Variants in ARID1B observed in about 807,000 individuals in gnomAD.
The protein encoded by ARID1B is AT-rich interactive domain-containing protein 1B.
Under a neutral mutation model 212.3 loss-of-function variants are expected in ARID1B, and 30 were observed. The observed-to-expected ratio is 0.14, with a 90% CI of 0.11 to 0.19. The LOEUF (loss-of-function observed/expected upper bound fraction) is 0.19. ARID1B is among the 10% of genes least tolerant of loss of function. ARID1B has a pLI of 1.00. For synonymous variants in ARID1B, 1,402 were observed against 1,301.7 expected, an observed-to-expected ratio of 1.08 and a Z score of -1.66; for missense variants, 2,891 against 3,204.0, an observed-to-expected ratio of 0.90 and a Z score of 2.36.
intron 9 of ARID1B, among the ~76,000 whole-genome samples, chr6:157,171,508 C>A (rs1435131047): frequency 1.3e-5 from 2 of 151,464 alleles, no homozygotes; most frequent in African/African-American, 4.8e-5. Context: ...GGTAAGAAGT[C>A]AAAAATAAGC....
At chr6:156,795,349 C>G (rs1780290844) in intron 1 of ARID1B, among the ~76,000 whole-genome samples, 1 of 151,834 alleles carries the variant, frequency 6.6e-6, no homozygotes, top group Non-Finnish European at 1.5e-5. Context: ...GAAGGGAGGC[C>G]GGAAGGTAGG....
rs1049793325 is a variant in ARID1B at position 156,935,487 on chromosome 6, G to A, written c.2158G>A (p.Gly720Arg). The stretch of plus-strand genomic sequence containing the variant: ...TTAGGACATGTCTCAGGAAGGCTAT[G>A]GAACTAGATCTCAACCTCCTCTGGC... Reference protein sequence around the residue: ...PQQDMSQEGYGTRSQPPLAPG... With the variant: ...PQQDMSQEGYRTRSQPPLAPG... Residue 720 changes from glycine (G) to arginine (R), a missense_variant, in exon 4 of 20, where the codon GGA becomes AGA. Physicochemically the swap from Gly to Arg is moderately radical, Grantham distance 125. Coordinates refer to ENST00000636930, the MANE Select transcript of ARID1B (RefSeq NM_001374828.1). 1.2e-6 allele frequency: 2 copies of A among 1,613,224 alleles called. No homozygotes were observed. The highest frequency in any genetic ancestry group is 2.7e-5 in the African/African-American group (2 of 74,858).
rs1176770045 is a variant in ARID1B at position 156,945,101 on chromosome 6, A to AT, written c.2247+9540dup. On this transcript the variant is annotated intron_variant, in intron 4 of 19. Transcript: ENST00000636930. ...CCAAGTCGGGCTAATTTTTTTGTAT[A>AT]TTTTTTTTTTTTTTTAGTAGAGACG... 4.0e-3 allele frequency among the ~76,000 whole-genome samples: 430 copies of AT among 107,162 alleles called. 5 individuals carry two copies. The highest frequency in any genetic ancestry group is 9.1e-3 in the East Asian group (25 of 2,756). The allele number at this position is 107,162 out of a possible 152,430, so 70.3% of individuals were successfully genotyped here. A position where few individuals can be genotyped will look rare whatever the true frequency, so the allele number is the denominator to read the frequency against.
chr6:156,836,174 T>C (rs554216203), intron 2 of ARID1B, among the ~76,000 whole-genome samples: 1 of 152,190 alleles, frequency 6.6e-6, no homozygotes, highest in African/African-American at 2.4e-5. Context: ...TCCCACAAGA[T>C]AAATGGAAAG....
At chr6:156,997,235 T>C (rs1778646809) in intron 4 of ARID1B, among the ~76,000 whole-genome samples, 1 of 152,210 alleles carries the variant, frequency 6.6e-6, no homozygotes. Context: ...TTTGACAGAA[T>C]TTAGAGGTTG....
intron 2 of ARID1B, among the ~76,000 whole-genome samples, chr6:156,874,466 A>G (rs575678251): frequency 6.6e-6 from 1 of 152,318 alleles, no homozygotes; most frequent in Admixed American, 6.5e-5. Flanking sequence ...TCTCACCTGT[A>G]GAGTGAAGTT....
chr6:156,798,220 C>T (rs1200298931), intron 1 of ARID1B, among the ~76,000 whole-genome samples: 2 of 152,174 alleles, frequency 1.3e-5, no homozygotes, highest in Non-Finnish European at 2.9e-5. Flanking sequence ...CTGGTCGCTC[C>T]CTCCTGGGGC....
rs1305919385 is a variant in ARID1B at position 157,201,749 on chromosome 6, G to A, written c.5263+261G>A. On this transcript the variant is annotated intron_variant, in intron 18 of 19. Transcript: ENST00000636930. The surrounding 1 kb of genome is among the most constrained non-coding windows in gnomAD (Gnocchi z 5.2). ...TGGGAGGCCCAGGCGGGTGGATCAC[G>A]AGGTCACGAGATCGAGACCATCCTG... 4.6e-5 allele frequency among the ~76,000 whole-genome samples: 7 copies of A among 152,162 alleles called. No homozygotes were observed. The highest frequency in any genetic ancestry group is 1.7e-4 in the African/African-American group (7 of 41,426).
At chr6:156,848,758 C>T (rs991554530) in intron 2 of ARID1B, among the ~76,000 whole-genome samples, 3 of 152,210 alleles carry the variant, frequency 2.0e-5, no homozygotes, top group Non-Finnish European at 2.9e-5. Context: ...TGGAGCTTAG[C>T]ATGAGGGGAG....
intron 2 of ARID1B, among the ~76,000 whole-genome samples, chr6:156,869,175 T>A (rs1311319002): frequency 6.6e-6 from 1 of 152,256 alleles, no homozygotes; most frequent in Non-Finnish European, 1.5e-5. Flanking sequence ...TTTGGAAGTC[T>A]GTTACCAAGT....
chr6:156,814,732 A>G (rs928438912), intron 1 of ARID1B, among the ~76,000 whole-genome samples: 1 of 152,130 alleles, frequency 6.6e-6, no homozygotes, highest in Non-Finnish European at 1.5e-5. Flanking sequence ...GAAAAGTAGA[A>G]TCTTTGGCTA....
rs552494083 is a variant in ARID1B, at chr6:157,174,003, A to G, written c.3236-5A>G. The G allele has an allele frequency of 1.2e-6, 2 of 1,612,680 alleles. No individual in the cohort carries two copies. Among genetic ancestry groups the G allele is most frequent in the East Asian group, 2.2e-5 (1 of 44,878 alleles). On this transcript the variant is annotated splice_polypyrimidine_tract_variant and splice_region_variant and intron_variant, in intron 9 of 19. Transcript: ENST00000636930. ...TCCTAAACTCTTTCTCCTGTTTTCG[A>G]TTAGCATCTGTGGGTCTTGCAGATA...
intron 5 of ARID1B, 147 bp downstream of exon 5, chr6:157,085,052 G>A (rs763973757): frequency 3.2e-5 from 32 of 1,011,724 alleles, no homozygotes; most frequent in Non-Finnish European, 4.3e-5. Context: ...GCATACGAGA[G>A]TCCCAGTTCC....
chr6:157,130,088 G>A lies in ARID1B; in HGVS notation c.2582-2940G>A, dbSNP rs190609910. On this transcript the variant is annotated intron_variant, in intron 6 of 19. Transcript: ENST00000636930. ...GGAGGCTGAGGCAGGAGAATCACTT[G>A]AGGTTGGGAGGTGGAGGTTGTAGTG... Among the ~76,000 whole-genome samples the A allele has an allele frequency of 1.5e-3, 230 of 152,186 alleles. 1 individual carries two copies. Among genetic ancestry groups the A allele is most frequent in the African/African-American group, 5.2e-3 (214 of 41,534 alleles).
chr6:156,830,378 G>A (rs1385825708), intron 2 of ARID1B, among the ~76,000 whole-genome samples: 2 of 152,158 alleles, frequency 1.3e-5, no homozygotes, highest in South Asian at 2.1e-4. Flanking sequence ...CTCAGGAAAT[G>A]CTTCCATCTG....
intron 3 of ARID1B, among the ~76,000 whole-genome samples, chr6:156,930,957 A>G (rs573824332): frequency 2.8e-4 from 42 of 152,212 alleles, no homozygotes; most frequent in South Asian, 4.1e-4. Flanking sequence ...TTGGGAGGCC[A>G]AGGCGGGCAG....
At chr6:156,894,907 T>C (rs894936991) in intron 2 of ARID1B, among the ~76,000 whole-genome samples, 1 of 152,168 alleles carries the variant, frequency 6.6e-6, no homozygotes. Flanking sequence ...TTTCTATATG[T>C]ATTTCAGGAG....
At chr6:157,040,140 A>G (rs1237684404) in intron 4 of ARID1B, among the ~76,000 whole-genome samples, 1 of 152,216 alleles carries the variant, frequency 6.6e-6, no homozygotes, top group Admixed American at 6.5e-5. Context: ...GGGTTTCACC[A>G]TGTTGGCCAG....
At chr6:157,160,865 C>T (rs960629062) in intron 8 of ARID1B, among the ~76,000 whole-genome samples, 1 of 152,176 alleles carries the variant, frequency 6.6e-6, no homozygotes, top group Non-Finnish European at 1.5e-5. Context: ...ATGGAGGGGA[C>T]GTCATCCCTT....
Sources: gnomAD v4.1 joint callset for allele counts (sites outside exome capture counted in the v4.1 genomes callset) on GRCh38, gnomAD v4.1.1 for gene constraint, Gnocchi (gnomAD v3.1) non-coding constraint, MANE v1.5 for transcripts, NCBI Gene and HGNC (gene_info 2026-07-23, HGNC 2026-07-21) for gene names.